Variants in HSF1 observed in about 807,000 individuals in gnomAD.
HSF1 encodes heat shock factor protein 1.
A neutral mutation model predicts 51.7 loss-of-function variants in HSF1; 32 were observed. The observed-to-expected ratio is 0.62, with a 90% CI of 0.47 to 0.83. The LOEUF is 0.83. Ranked by LOEUF, HSF1 falls within the 40% of genes least tolerant of loss-of-function variation. The pLI, the probability that HSF1 is intolerant of heterozygous loss-of-function variation, is 0.00. For synonymous variants in HSF1, 396 were observed against 309.7 expected, an observed-to-expected ratio of 1.28 and a Z score of -2.92; for missense variants, 727 against 717.0, an observed-to-expected ratio of 1.01 and a Z score of -0.16.
In HSF1 at chr8:144,314,192, G is replaced by C. The variant is rs782763150; in HGVS notation, c.1452G>C (p.Gly484=). The change falls in exon 13 of 13, where the codon GGG becomes GGC. Residue 484 remains glycine (G), a synonymous_variant. Transcript: ENST00000528838. The stretch of plus-strand genomic sequence containing the variant: ...TGGACCCCGGCTCCGTGGACACCGG[G>C]AGCAACGACCTGCCGGTGCTGTTTG... ...FLLDPGSVDT[G]SNDLPVLFEL... is the part of the protein sequence containing the mutation. 70 of 1,549,922 alleles carry C rather than the reference G, an allele frequency of 4.5e-5. No homozygotes were observed. In the South Asian group the frequency reaches 6.5e-4, roughly 14 times the overall value.
At chr8:144,306,087 T>C (rs112556400) in intron 1 of HSF1, among the ~76,000 whole-genome samples, 1,625 of 152,266 alleles carry the variant, frequency 0.011, 28 homozygotes, top group African/African-American at 0.038. Context: ...TAATTTTGAT[T>C]TCGGGCTTCT....
At chr8:144,311,295 G>A (rs200019289) in intron 5 of HSF1, 26 bp from the exon 6 acceptor site, 1 of 1,613,622 alleles carries the variant, frequency 6.2e-7, no homozygotes, top group Admixed American at 1.7e-5. Flanking sequence ...CAAGGGCCGG[G>A]GTAACTGTGT....
In HSF1 at chr8:144,312,553, A is replaced by C. The variant is rs1816752439; in HGVS notation, c.1142+309A>C. 4.0e-6 allele frequency: 5 copies of C among 1,263,196 alleles called. No homozygotes were observed. The East Asian group carries it at 1.3e-4, about 32-fold the overall frequency. 78.2% of individuals were successfully genotyped at this position (1,263,196 alleles called of 1,614,324 possible). On this transcript the variant is annotated intron_variant, in intron 9 of 12. Coordinates refer to ENST00000528838, the MANE Select transcript of HSF1 (RefSeq NM_005526.4). The stretch of plus-strand genomic sequence containing the variant: ...TCGTGCTGCCCAGACACATGGCAGG[A>C]GATGGTGAGCAGGGCCGGCCTCCAC...
chr8:144,308,973 A>G lies in HSF1; in HGVS notation c.185A>G (p.Lys62Arg). The change falls in exon 2 of 13, where the codon AAG (lysine) becomes AGG (arginine). Residue 62 changes from lysine (K) to arginine (R), a missense_variant. Around this residue, in one of 2 missense-constraint regions of HSF1, gnomAD observed 257 missense variants for 318.3 expected, o/e 0.81. Transcript: ENST00000528838. ...FAKEVLPKYF[K>R]HNNMASFVRQ... ...AAGGAGGTGCTGCCCAAGTACTTCA[A>G]GCACAACAACATGGCCAGCTTCGTG... 1 of 1,614,160 alleles carries G rather than the reference A, an allele frequency of 6.2e-7. No homozygotes were observed. The highest frequency in any genetic ancestry group is 8.5e-7 in the Non-Finnish European group (1 of 1,179,982).
At chr8:144,311,939 T>C in intron 8 of HSF1, 24 bp from the exon 9 acceptor site, 2 of 1,581,638 alleles carry the variant, frequency 1.3e-6, no homozygotes, top group South Asian at 1.1e-5. Context: ...AGACGCCAGC[T>C]CACCTGGCCC....
Position 144,291,774 on chromosome 8 carries a change from GC to G in HSF1, c.21del (p.Gly8AlafsTer12). On this transcript the variant is annotated frameshift_variant, in exon 1 of 13. Transcript: ENST00000528838. LOFTEE classifies it high-confidence loss of function. This position sits in a 1 kb window ranked among gnomAD's most constrained non-coding sequence, Gnocchi z 4.1. MDLPV[G>X]PGAAGPSNVP... ...TTGCTCGAGATGGATCTGCCCGTGG[GC>G]CCCGGCGCGGCGGGGCCCAGCAACG... 5 of 1,528,170 alleles carry G rather than the reference GC, an allele frequency of 3.3e-6. No individual in the cohort carries two copies. The highest frequency in any genetic ancestry group is 2.7e-5 in the East Asian group (1 of 36,384). 94.7% of individuals were successfully genotyped at this position (1,528,170 alleles called of 1,614,324 possible). A position where few individuals can be genotyped will look rare whatever the true frequency, so the allele number is the denominator to read the frequency against.
intron 2 of HSF1, 24 bp downstream of exon 2, chr8:144,309,038 C>G: frequency 6.4e-7 from 1 of 1,566,400 alleles, no homozygotes; most frequent in South Asian, 1.1e-5. Flanking sequence ...CCAGGCAGCG[C>G]AGGGGTGCGG....
Position 144,297,752 on chromosome 8 carries a change from C to T in HSF1, c.117+5878C>T, listed in dbSNP as rs1815565997. On this transcript the variant is annotated intron_variant, in intron 1 of 12. Coordinates refer to ENST00000528838, the MANE Select transcript of HSF1 (RefSeq NM_005526.4). This position sits in a 1 kb window ranked among gnomAD's most constrained non-coding sequence, Gnocchi z 4.6. ...GAGCCCAGGAGCCCAGATCACCGGT[C>T]AGCAGATACAGCTTTGACTTGGCAG... Among the ~76,000 whole-genome samples, 1 of 152,212 alleles carries T rather than the reference C, an allele frequency of 6.6e-6. No homozygotes were observed. The highest frequency in any genetic ancestry group is 2.1e-4 in the South Asian group (1 of 4,832).
At position 144,311,777 on chromosome 8, in the gene HSF1, C is replaced by T. The variant is rs1816680845; in HGVS notation, c.801C>T (p.Asp267=). The change falls in exon 8 of 13, where the codon GAC becomes GAT. Residue 267 remains aspartate, a synonymous_variant. Coordinates refer to ENST00000528838, the MANE Select transcript of HSF1 (RefSeq NM_005526.4). ...AVASSGPIIS[D]ITELAPASPM... is the part of the protein sequence containing the mutation. ...CCAGCTCTGGACCCATCATCTCCGA[C>T]ATCACCGAGCTGGCTCCTGCCAGCC... The T allele has an allele frequency of 6.2e-7, 1 of 1,612,624 alleles. No individual in the cohort carries two copies. The highest frequency in any genetic ancestry group is 8.5e-7 in the Non-Finnish European group (1 of 1,179,818).
At position 144,313,860 on chromosome 8, in the gene HSF1, G is replaced by C. The variant is rs558837909; in HGVS notation, c.1263G>C (p.Ser421=). The part of the protein sequence containing the change: ...TSALLDLFSP[S]VTVPDMSLPD... ...CTCCTCCGCAGCTGTTCAGCCCCTC[G>C]GTGACCGTGCCCGACATGAGCCTGC... The change falls in exon 11 of 13, where the codon TCG becomes TCC. Residue 421 remains serine (S), a synonymous_variant. Coordinates refer to ENST00000528838, the MANE Select transcript of HSF1 (RefSeq NM_005526.4). The C allele has an allele frequency of 3.1e-6, 5 of 1,592,994 alleles. No homozygotes were observed. Among genetic ancestry groups the C allele is most frequent in the Middle Eastern group, 1.7e-4 (1 of 6,028 alleles).
Position 144,302,209 on chromosome 8 carries a change from TA to T in HSF1, c.118-6689del, listed in dbSNP as rs1554842469. Among the ~76,000 whole-genome samples, 23 of 149,412 alleles carry T rather than the reference TA, an allele frequency of 1.5e-4. 2 individuals carry two copies. The South Asian group carries it at 4.6e-3, about 30-fold the overall frequency. ...TTTGCAACTCAGGAAGACAACCATT[TA>T]AAAAAAATTAAAGGCAGGCCGGGCG... On this transcript the variant is annotated intron_variant, in intron 1 of 12. Transcript: ENST00000528838.
Position 144,291,769 on chromosome 8 carries a change from C to T in HSF1, c.12C>T (p.Pro4=), listed in dbSNP as rs1412408201. The T allele has an allele frequency of 2.6e-6, 4 of 1,522,950 alleles. No homozygotes were observed. Among genetic ancestry groups the T allele is most frequent in the Admixed American group, 2.0e-5 (1 of 49,922 alleles). The allele number at this position is 1,522,950 out of a possible 1,614,324, so 94.3% of individuals were successfully genotyped here. MDL[P]VGPGAAGPSN... Reference sequence around the variant, plus strand: ...CCTCCTTGCTCGAGATGGATCTGCCCGTGGGCCCCGGCGCGGCGGGGCCCA... The same window carrying T: ...CCTCCTTGCTCGAGATGGATCTGCCTGTGGGCCCCGGCGCGGCGGGGCCCA... Residue 4 remains proline, a synonymous_variant, in exon 1 of 13, where the codon CCC becomes CCT. Coordinates refer to ENST00000528838, the MANE Select transcript of HSF1 (RefSeq NM_005526.4). The surrounding 1 kb of genome is among the most constrained non-coding windows in gnomAD (Gnocchi z 4.1).
rs140448243 is a variant in HSF1 at position 144,295,619 on chromosome 8, T to C, written c.117+3745T>C. Among the ~76,000 whole-genome samples the C allele has an allele frequency of 1.0e-3, 159 of 152,286 alleles. 2 individuals are homozygous for C. Among genetic ancestry groups the C allele is most frequent in the African/African-American group, 3.7e-3 (152 of 41,556 alleles). ...CCCAGGCTGGAGTGCAGGGCTATGA[T>C]TGCAGCTCGCTGCAGCCTCTGCCTC... On this transcript the variant is annotated intron_variant, in intron 1 of 12. Coordinates refer to ENST00000528838, the MANE Select transcript of HSF1 (RefSeq NM_005526.4).
chr8:144,300,102 AG>A (rs1815754870), intron 1 of HSF1, among the ~76,000 whole-genome samples: 1 of 152,162 alleles, frequency 6.6e-6, no homozygotes, highest in Non-Finnish European at 1.5e-5. Context: ...TCCAAAGAGC[AG>A]AGCACAGAAG....
At chr8:144,298,755 G>A (rs960328931) in intron 1 of HSF1, among the ~76,000 whole-genome samples, 1 of 152,232 alleles carries the variant, frequency 6.6e-6, no homozygotes, top group African/African-American at 2.4e-5. Context: ...AATGTGTGGG[G>A]TGTGGTACCA....
chr8:144,293,049 A>G (rs1815208790), intron 1 of HSF1, among the ~76,000 whole-genome samples: 1 of 152,218 alleles, frequency 6.6e-6, no homozygotes, highest in Admixed American at 6.5e-5. Flanking sequence ...GTGGCCTCCC[A>G]GGAGCTAAGA....
In HSF1 at chr8:144,314,204, G is replaced by A. The variant is rs548745263; in HGVS notation, c.1464G>A (p.Leu488=). 21 of 1,549,890 alleles carry A rather than the reference G, an allele frequency of 1.4e-5. No individual in the cohort carries two copies. The South Asian group carries it at 2.5e-4, about 18-fold the overall frequency. The change falls in exon 13 of 13, where the codon CTG becomes CTA. Residue 488 remains leucine (L), a synonymous_variant. Transcript: ENST00000528838. ...PGSVDTGSND[L]PVLFELGEGS... ...CCGTGGACACCGGGAGCAACGACCT[G>A]CCGGTGCTGTTTGAGCTGGGAGAGG...
intron 1 of HSF1, among the ~76,000 whole-genome samples, chr8:144,295,379 T>G (rs1384735514): frequency 1.3e-5 from 2 of 152,208 alleles, no homozygotes. Context: ...GATGGTGAGA[T>G]TACAGCCCCA....
At chr8:144,310,016 A>G in intron 4 of HSF1, 120 bp downstream of exon 4, 3 of 1,203,406 alleles carry the variant, frequency 2.5e-6, no homozygotes, top group South Asian at 3.0e-5. Context: ...CTCCCGCTCC[A>G]CGCACATCTA....
Sources: allele counts gnomAD v4.1 joint callset (sites outside exome capture counted in the v4.1 genomes callset), GRCh38; gene constraint gnomAD v4.1.1; regional missense constraint gnomAD v4.1.1; non-coding constraint Gnocchi (gnomAD v3.1); transcripts MANE v1.5; gene names NCBI Gene and HGNC (gene_info 2026-07-23, HGNC 2026-07-21).